The following RAMP3 variants were observed in gnomAD, a reference collection of about 807,000 sequenced individuals.
RAMP3 encodes receptor activity-modifying protein 3.
Under a neutral mutation model 13.5 loss-of-function variants are expected in RAMP3, and 14 were observed. That is an observed-to-expected ratio of 1.04 (90% CI 0.69 to 1.63). The LOEUF is 1.63. Ranked by LOEUF, RAMP3 falls within the 40% of genes most tolerant of loss-of-function variation. The pLI, the probability that RAMP3 is intolerant of heterozygous loss-of-function variation, is 0.00. For synonymous variants in RAMP3, 106 were observed against 88.3 expected (o/e 1.20, Z -1.12); for missense variants, 200 against 204.8 (o/e 0.98, Z 0.14).
chr7:45,165,441 A>G (rs1445243444), intron 1 of RAMP3, among the ~76,000 whole-genome samples: 1 of 152,200 alleles, frequency 6.6e-6, no homozygotes, highest in Non-Finnish European at 1.5e-5. Context: ...AGGCTTTCCT[A>G]AACATTACTT....
intron 2 of RAMP3, among the ~76,000 whole-genome samples, chr7:45,180,639 T>C (rs534177357): frequency 1.8e-4 from 28 of 152,330 alleles, no homozygotes; most frequent in Admixed American, 7.2e-4. Context: ...TTAAGGAGCA[T>C]TGCTATGGGA....
chr7:45,169,582 A>T (rs1300085882), intron 1 of RAMP3, among the ~76,000 whole-genome samples: 1 of 152,142 alleles, frequency 6.6e-6, no homozygotes, highest in Non-Finnish European at 1.5e-5. Flanking sequence ...GGCTGGAAGA[A>T]CCCAGGTGCT....
chr7:45,166,219 G>A (rs1276114118), intron 1 of RAMP3, among the ~76,000 whole-genome samples: 1 of 149,846 alleles, frequency 6.7e-6, no homozygotes, highest in Non-Finnish European at 1.5e-5. Context: ...CTGTTGCCCA[G>A]TCTGGAGTGC....
chr7:45,176,224 G>T (rs1434972999), intron 1 of RAMP3, among the ~76,000 whole-genome samples: 3 of 152,150 alleles, frequency 2.0e-5, no homozygotes. Flanking sequence ...TGTGAGCCAG[G>T]TCTGTCCCAT....
At chr7:45,181,314 A>G (rs961807059) in intron 2 of RAMP3, among the ~76,000 whole-genome samples, 1 of 152,180 alleles carries the variant, frequency 6.6e-6, no homozygotes, top group East Asian at 1.9e-4. Flanking sequence ...GGGCTTCTCC[A>G]TGTGGCCTAG....
chr7:45,172,633 G>C (rs1786104967), intron 1 of RAMP3, among the ~76,000 whole-genome samples: 1 of 152,142 alleles, frequency 6.6e-6, no homozygotes, highest in Admixed American at 6.5e-5. Flanking sequence ...ACGCCTCCTT[G>C]TCTGGCTAAT....
At chr7:45,180,237 T>C (rs1294932) in intron 2 of RAMP3, among the ~76,000 whole-genome samples, 73,093 of 152,202 alleles carry the variant, frequency 0.48, 18,754 homozygotes, top group Admixed American at 0.61. Context: ...CAGTACACCC[T>C]GGGTGGAGGC....
intron 1 of RAMP3, among the ~76,000 whole-genome samples, chr7:45,170,107 T>A (rs969374251): frequency 3.9e-5 from 6 of 152,012 alleles, no homozygotes; most frequent in Non-Finnish European, 5.9e-5. Context: ...TTCTTCCTGG[T>A]AAGTCTAGTT....
intron 1 of RAMP3, among the ~76,000 whole-genome samples, chr7:45,162,374 C>A (rs535790946): frequency 1.3e-5 from 2 of 152,278 alleles, no homozygotes; most frequent in East Asian, 3.9e-4. Context: ...GGATCGGGGA[C>A]CAGGGCTAAG....
chr7:45,176,364 T>G (rs1786186553), intron 1 of RAMP3, among the ~76,000 whole-genome samples: 1 of 150,488 alleles, frequency 6.6e-6, no homozygotes, highest in African/African-American at 2.5e-5. Flanking sequence ...TGCACTAAGA[T>G]ATAGATGGCA....
At chr7:45,172,516 C>T (rs1184533069) in intron 1 of RAMP3, among the ~76,000 whole-genome samples, 1 of 152,208 alleles carries the variant, frequency 6.6e-6, no homozygotes, top group East Asian at 1.9e-4. Flanking sequence ...CACTTTGTCA[C>T]CCAGGCTAGA....
At chr7:45,164,756 T>C (rs59939457) in intron 1 of RAMP3, among the ~76,000 whole-genome samples, 1,557 of 152,336 alleles carry the variant, frequency 0.01, 28 homozygotes, top group African/African-American at 0.036. Context: ...CTTTGTCTGA[T>C]ATTAATATAG....
chr7:45,181,367 C>T (rs1786310131), intron 2 of RAMP3, among the ~76,000 whole-genome samples: 1 of 152,238 alleles, frequency 6.6e-6, no homozygotes, highest in Admixed American at 6.5e-5. Flanking sequence ...GGGCTTTCAG[C>T]CCTGCCTCAC....
At chr7:45,177,015 C>T (rs1347802562) in intron 1 of RAMP3, among the ~76,000 whole-genome samples, 2 of 152,234 alleles carry the variant, frequency 1.3e-5, no homozygotes, top group African/African-American at 4.8e-5. Flanking sequence ...CACCACCTCC[C>T]AAGGAGTTTG....
At position 45,183,291 on chromosome 7, in the gene RAMP3, T is replaced by C. The variant is rs2128659264; in HGVS notation, c.326T>C (p.Val109Ala). Residue 109 changes from valine (V) to alanine (A), a missense_variant, in exon 3 of 3, where the codon GTC (valine) becomes GCC (alanine). Val to Ala is a moderately conservative substitution (Grantham distance 64). Transcript: ENST00000242249. ...QFFSNCTVDR[V>A]HLEDPPDEVL... ...TTCTCCAACTGCACCGTGGACAGGG[T>C]CCACTTGGAGGACCCCCCAGACGAG... 6.2e-7 allele frequency: 1 copy of C among 1,614,050 alleles called. No homozygotes were observed. The highest frequency in any genetic ancestry group is 2.2e-5 in the East Asian group (1 of 44,864).
intron 1 of RAMP3, among the ~76,000 whole-genome samples, chr7:45,158,424 G>A (rs1785802789): frequency 6.6e-6 from 1 of 152,244 alleles, no homozygotes; most frequent in African/African-American, 2.4e-5. Context: ...GAAGCGGGGC[G>A]ACTCTCTGAG....
Position 45,183,815 on chromosome 7 carries a change from G to A in RAMP3, c.*403G>A. The stretch of plus-strand genomic sequence containing the variant: ...GGCCCTGCTTGGACTAGGACTCCTT[G>A]CTTGACCCCATCTCTGGTTCCTGCC... On this transcript the variant is annotated 3_prime_UTR_variant, in exon 3 of 3. Coordinates refer to ENST00000242249, the MANE Select transcript of RAMP3 (RefSeq NM_005856.3). 2.2e-6 allele frequency: 1 copy of A among 463,908 alleles called. No individual in the cohort carries two copies. The highest frequency in any genetic ancestry group is 3.8e-6 in the Non-Finnish European group (1 of 264,884). 28.7% of individuals were successfully genotyped at this position (463,908 alleles called of 1,614,324 possible). A position where few individuals can be genotyped will look rare whatever the true frequency, so the allele number is the denominator to read the frequency against.
intron 2 of RAMP3, among the ~76,000 whole-genome samples, chr7:45,182,125 G>A (rs888796361): frequency 2.0e-5 from 3 of 152,184 alleles, no homozygotes; most frequent in African/African-American, 7.2e-5. Context: ...CTGTTGATGG[G>A]CCAGATCAGT....
chr7:45,159,270 T>A lies in RAMP3; in HGVS notation c.58+1384T>A, dbSNP rs575868732. On this transcript the variant is annotated intron_variant, in intron 1 of 2. Transcript: ENST00000242249. ...AGCTTCTCAGCAGACCCTCCCAGTG[T>A]TCGACTGGCCAGAGTGAGATTCAGG... Among the ~76,000 whole-genome samples the A allele has an allele frequency of 6.6e-5, 10 of 152,320 alleles. No individual in the cohort carries two copies. The East Asian group carries it at 1.9e-3, about 29-fold the overall frequency.
Sources: allele counts gnomAD v4.1 joint callset (sites outside exome capture counted in the v4.1 genomes callset), GRCh38; gene constraint gnomAD v4.1.1; transcripts MANE v1.5; gene names NCBI Gene and HGNC (gene_info 2026-07-23, HGNC 2026-07-21).